Variants in MED13 observed in about 807,000 individuals in gnomAD.
MED13 encodes the protein mediator complex subunit 13.
In MED13, 23 loss-of-function variants were observed where a neutral mutation model predicts 225.2. That is an observed-to-expected ratio of 0.10 (90% CI 0.07 to 0.14). The LOEUF is 0.14. MED13 is among the 10% of genes least tolerant of loss of function. MED13 has a pLI of 1.00. For missense variants in MED13, 2,197 were observed against 2,594.5 expected (o/e 0.85, Z 3.33); for synonymous variants, 942 against 889.2 (o/e 1.06, Z -1.06).
chr17:61,969,716 C>T (rs542759237), intron 17 of MED13, among the ~76,000 whole-genome samples: 2 of 152,114 alleles, frequency 1.3e-5, no homozygotes, highest in East Asian at 3.9e-4. Context: ...ATTATCTCAC[C>T]TCAGCCTCCT....
At chr17:61,994,216 C>T (rs2080328499) in intron 10 of MED13, among the ~76,000 whole-genome samples, 1 of 152,118 alleles carries the variant, frequency 6.6e-6, no homozygotes, top group South Asian at 2.1e-4. Context: ...CCAGGCTGCT[C>T]TCGAACTCCA....
At chr17:61,969,882 G>T (rs569317605) in intron 17 of MED13, among the ~76,000 whole-genome samples, 3 of 152,186 alleles carry the variant, frequency 2.0e-5, no homozygotes, top group East Asian at 1.9e-4. Context: ...GATTACAGGC[G>T]TGAGTCGTCA....
intron 2 of MED13, 148 bp downstream of exon 2, chr17:62,062,919 C>G (rs1398372812): frequency 1.7e-6 from 1 of 589,600 alleles, no homozygotes; most frequent in Non-Finnish European, 2.9e-6. Flanking sequence ...ATAAAATAAT[C>G]ATGGTGAAAT....
At chr17:62,033,236 T>C (rs1188040510) in intron 5 of MED13, among the ~76,000 whole-genome samples, 1 of 152,180 alleles carries the variant, frequency 6.6e-6, no homozygotes, top group Non-Finnish European at 1.5e-5. Flanking sequence ...GCCAAAGTCA[T>C]AAATTCTTTA....
chr17:61,970,401 C>T (rs1270951622), intron 17 of MED13, among the ~76,000 whole-genome samples: 1 of 152,130 alleles, frequency 6.6e-6, no homozygotes, highest in Admixed American at 6.5e-5. Flanking sequence ...ATTACAGGGG[C>T]TGGGCATGGT....
rs933560048 is a variant in MED13, at chr17:62,053,451, C to CA, written c.302-747dup. 1.6e-4 allele frequency among the ~76,000 whole-genome samples: 24 copies of CA among 151,974 alleles called. No individual in the cohort carries two copies. The Middle Eastern group carries it at 0.02, about 129-fold the overall frequency. ...TATTAATCACTCCAAGTTAATTTACCAAAAAAACATTAACACAGTCATTTT... is the reference window on the plus strand; with the variant it reads ...TATTAATCACTCCAAGTTAATTTACCAAAAAAAACATTAACACAGTCATTTT... On this transcript the variant is annotated intron_variant, in intron 2 of 29. Transcript: ENST00000397786.
At chr17:62,041,784 T>C (rs1464673044) in intron 3 of MED13, among the ~76,000 whole-genome samples, 5 of 152,192 alleles carry the variant, frequency 3.3e-5, no homozygotes, top group Non-Finnish European at 5.9e-5. Context: ...GGTCTCACTA[T>C]GTTGTCCAGG....
intron 22 of MED13, 47 bp downstream of exon 22, chr17:61,961,541 A>AAT: frequency 8.4e-7 from 1 of 1,191,228 alleles, no homozygotes; most frequent in Non-Finnish European, 1.2e-6. Context: ...AAAAAAAAAA[A>AAT]GGTATGTATA....
chr17:62,040,664 A>C (rs1204674574), intron 3 of MED13, among the ~76,000 whole-genome samples: 1 of 152,216 alleles, frequency 6.6e-6, no homozygotes, highest in Non-Finnish European at 1.5e-5. Flanking sequence ...TAATACTAGT[A>C]AAGAGAATGC....
In MED13 at chr17:62,003,599, C is replaced by CAAAAAAAAAAAAAAAAAAA. The variant is rs34451831; in HGVS notation, c.1967+6932_1967+6950dup. On this transcript the variant is annotated intron_variant, in intron 9 of 29. Coordinates refer to ENST00000397786, the MANE Select transcript of MED13 (RefSeq NM_005121.3). ...CAGCCTGAGCAACAACAGCAAAACT[C>CAAAAAAAAAAAAAAAAAAA]AAAAAAAAAAAAAAAAAAAAAAGCA... 2.1e-3 allele frequency: 111 copies of CAAAAAAAAAAAAAAAAAAA among 51,740 alleles called. 3 individuals carry two copies. The highest frequency in any genetic ancestry group is 3.3e-3 in the East Asian group (4 of 1,196). The allele number at this position is 51,740 out of a possible 1,614,324, so 3.2% of individuals were successfully genotyped here.
At chr17:61,999,654 TA>T (rs2080376869) in intron 9 of MED13, among the ~76,000 whole-genome samples, 1 of 152,082 alleles carries the variant, frequency 6.6e-6, no homozygotes, top group Admixed American at 6.6e-5. Flanking sequence ...AAGTTAAACA[TA>T]AAATTGCTAC....
intron 2 of MED13, among the ~76,000 whole-genome samples, chr17:62,058,615 C>A (rs1275730993): frequency 6.6e-6 from 1 of 151,354 alleles, no homozygotes. Context: ...CAAAACATAT[C>A]GACCCCGATT....
intron 3 of MED13, among the ~76,000 whole-genome samples, chr17:62,052,210 A>G (rs962185787): frequency 6.6e-6 from 1 of 152,176 alleles, no homozygotes; most frequent in Non-Finnish European, 1.5e-5. Flanking sequence ...AGTGCTGTGC[A>G]TATATTTCCA....
chr17:61,994,744 C>T (rs1281732520), intron 10 of MED13, among the ~76,000 whole-genome samples: 1 of 152,240 alleles, frequency 6.6e-6, no homozygotes. Context: ...GAGTCTCGCT[C>T]TGTCACCCAA....
chr17:62,036,858 C>T (rs930110572), intron 3 of MED13: 2 of 152,162 alleles, frequency 1.3e-5, no homozygotes, highest in Admixed American at 6.5e-5. Context: ...AGTGAGTTAC[C>T]TCAGTTGACT....
rs565782716 is a variant in MED13 at position 62,037,419 on chromosome 17, C to T, written c.471-1811G>A. Among the ~76,000 whole-genome samples, 336 of 151,916 alleles carry T rather than the reference C, an allele frequency of 2.2e-3. 1 individual carries two copies. The highest frequency in any genetic ancestry group is 7.8e-3 in the African/African-American group (322 of 41,406). ...GTGGCTCATGCCTGTAATCCCAGCACTTTGGGAGGCTGAGGTGGGTGGATC... is the reference window on the plus strand; with the variant it reads ...GTGGCTCATGCCTGTAATCCCAGCATTTTGGGAGGCTGAGGTGGGTGGATC... On this transcript the variant is annotated intron_variant, in intron 3 of 29. Coordinates refer to ENST00000397786, the MANE Select transcript of MED13 (RefSeq NM_005121.3).
At chr17:62,024,096 C>T (rs1443442158) in intron 8 of MED13, among the ~76,000 whole-genome samples, 12 of 152,052 alleles carry the variant, frequency 7.9e-5, no homozygotes, top group African/African-American at 2.7e-4. Flanking sequence ...TGGCTCACTG[C>T]AACCTCTGCC....
In MED13 at chr17:62,015,886, TAC is replaced by T. The variant is rs1174840455; in HGVS notation, c.1284-4655_1284-4654del. ...GTGTGTATGTGTGTGTGTATATATA[TAC>T]ACACACACACACATACACACTATAC... On this transcript the variant is annotated intron_variant, in intron 8 of 29. Transcript: ENST00000397786. Among the ~76,000 whole-genome samples, 136 of 93,336 alleles carry T rather than the reference TAC, an allele frequency of 1.5e-3. 1 individual carries two copies. The highest frequency in any genetic ancestry group is 1.6e-3 in the African/African-American group (42 of 26,532). The allele number at this position is 93,336 out of a possible 152,430, so 61.2% of individuals were successfully genotyped here.
intron 22 of MED13, 57 bp from the exon 23 acceptor site, chr17:61,961,147 A>ATT (rs2079995521): frequency 7.5e-7 from 1 of 1,338,500 alleles, no homozygotes; most frequent in Non-Finnish European, 1.0e-6. Context: ...GAAATATTGC[A>ATT]TTTAAAATGT....
Sources: allele counts gnomAD v4.1 joint callset (sites outside exome capture counted in the v4.1 genomes callset), GRCh38; gene constraint gnomAD v4.1.1; transcripts MANE v1.5; gene names NCBI Gene and HGNC (gene_info 2026-07-23, HGNC 2026-07-21).